CAMK2D: variants seen among roughly 807,000 people sequenced by gnomAD.
The protein encoded by CAMK2D is calcium/calmodulin dependent protein kinase II delta.
A neutral mutation model predicts 84.0 loss-of-function variants in CAMK2D; 37 were observed. The ratio of observed to expected loss-of-function variants is 0.44; its 90% CI spans 0.34 to 0.58. The LOEUF is 0.58. Ranked by LOEUF, CAMK2D falls within the 20% of genes least tolerant of loss-of-function variation. CAMK2D has a pLI of 0.02. For synonymous variants in CAMK2D, 202 were observed against 212.5 expected (o/e 0.95, Z 0.43); for missense variants, 448 against 652.5 (o/e 0.69, Z 3.41).
chr4:113,597,716 G>A lies in CAMK2D; in HGVS notation c.275+11436C>T, dbSNP rs193260717. Among the ~76,000 whole-genome samples, 8 of 152,278 alleles carry A rather than the reference G, an allele frequency of 5.3e-5. No homozygotes were observed. In the East Asian group the frequency reaches 9.6e-4, roughly 18 times the overall value. ...TGCATTCACAACTCAGCTAACTGGC[G>A]CACAGGTCTAGCTTTCAGCATATCT... On this transcript the variant is annotated intron_variant, in intron 4 of 20. Coordinates refer to ENST00000511664, the MANE Select transcript of CAMK2D (RefSeq NM_001321571.2).
intron 16 of CAMK2D, among the ~76,000 whole-genome samples, chr4:113,466,137 T>A (rs2097460218): frequency 6.6e-6 from 1 of 151,666 alleles, no homozygotes; most frequent in Non-Finnish European, 1.5e-5. Context: ...ATGCCTATAA[T>A]CCCAGCTACT....
At chr4:113,588,860 A>C (rs1308652139) in intron 4 of CAMK2D, among the ~76,000 whole-genome samples, 1 of 147,070 alleles carries the variant, frequency 6.8e-6, no homozygotes, top group East Asian at 2.0e-4. Context: ...AAATTAATTC[A>C]TGGTAGTTTA....
chr4:113,573,849 C>T (rs879726498), intron 4 of CAMK2D, among the ~76,000 whole-genome samples: 37 of 152,254 alleles, frequency 2.4e-4, no homozygotes, highest in Non-Finnish European at 4.9e-4. Context: ...GACTCCCCCA[C>T]CTTTTGCCTG....
At chr4:113,505,408 A>ATAT (rs1554678848) in intron 13 of CAMK2D, among the ~76,000 whole-genome samples, 2 of 152,186 alleles carry the variant, frequency 1.3e-5, no homozygotes, top group Non-Finnish European at 2.9e-5. Flanking sequence ...AGTTATAAAT[A>ATAT]TATTTCTTTC....
At chr4:113,566,272 T>C (rs1473658824) in intron 4 of CAMK2D, among the ~76,000 whole-genome samples, 4 of 152,356 alleles carry the variant, frequency 2.6e-5, no homozygotes, top group East Asian at 1.9e-4. Context: ...TTCAATTCTT[T>C]GTACTTTTGC....
At chr4:113,496,188 G>C (rs552571373) in intron 16 of CAMK2D, among the ~76,000 whole-genome samples, 1 of 152,204 alleles carries the variant, frequency 6.6e-6, no homozygotes, top group Non-Finnish European at 1.5e-5. Context: ...GAGGAGTGCA[G>C]TTTGTACTGT....
chr4:113,487,921 C>T (rs965272295), intron 16 of CAMK2D, among the ~76,000 whole-genome samples: 1 of 151,858 alleles, frequency 6.6e-6, no homozygotes, highest in Non-Finnish European at 1.5e-5. Flanking sequence ...AGAAAAAGAG[C>T]TTAAAAGTCT....
At chr4:113,759,884 A>T (rs2099636782) in intron 1 of CAMK2D, among the ~76,000 whole-genome samples, 1 of 152,210 alleles carries the variant, frequency 6.6e-6, no homozygotes, top group African/African-American at 2.4e-5. Flanking sequence ...GTGGTTTAAC[A>T]AATCCTGGTA....
At chr4:113,549,473 T>C (rs1221819451) in intron 5 of CAMK2D, among the ~76,000 whole-genome samples, 2 of 152,234 alleles carry the variant, frequency 1.3e-5, no homozygotes, top group Admixed American at 1.3e-4. Context: ...GAAAAACTTT[T>C]GCTTCATACT....
intron 3 of CAMK2D, among the ~76,000 whole-genome samples, chr4:113,628,344 T>C (rs1592165660): frequency 6.6e-6 from 1 of 152,002 alleles, no homozygotes; most frequent in African/African-American, 2.4e-5. Context: ...AAAAAAGAAA[T>C]AGAAAAGGAA....
intron 2 of CAMK2D, among the ~76,000 whole-genome samples, chr4:113,686,544 C>T (rs2099360459): frequency 6.6e-6 from 1 of 152,128 alleles, no homozygotes; most frequent in Non-Finnish European, 1.5e-5. Context: ...ATTTTTATTA[C>T]ACCTTTGATG....
intron 4 of CAMK2D, among the ~76,000 whole-genome samples, chr4:113,577,003 C>T (rs1404523713): frequency 1.3e-5 from 2 of 152,180 alleles, no homozygotes; most frequent in East Asian, 1.9e-4. Flanking sequence ...CATAGCCAAT[C>T]GTTTTACCAC....
At chr4:113,512,513 A>G (rs959863626) in intron 12 of CAMK2D, among the ~76,000 whole-genome samples, 1 of 152,198 alleles carries the variant, frequency 6.6e-6, no homozygotes, top group Non-Finnish European at 1.5e-5. Flanking sequence ...TACACCAAGA[A>G]AATACTATAC....
rs1479579599 is a variant in CAMK2D, at chr4:113,708,170, A to C, written c.161-46398T>G. On this transcript the variant is annotated intron_variant, in intron 2 of 20. Transcript: ENST00000511664. ...TTCACAGGTCTGAGCTTTTTTTTGAATAGCACCATATTTCTATATTATAGG... is the reference window on the plus strand; with the variant it reads ...TTCACAGGTCTGAGCTTTTTTTTGACTAGCACCATATTTCTATATTATAGG... Among the ~76,000 whole-genome samples, 11 of 152,194 alleles carry C rather than the reference A, an allele frequency of 7.2e-5. No individual in the cohort carries two copies. In the East Asian group the frequency reaches 2.1e-3, roughly 29 times the overall value.
Position 113,451,118 on chromosome 4 carries a change from T to C in CAMK2D, c.*3427A>G, listed in dbSNP as rs1026862374. ...TACCCTTAAATTATAATTTTTTACA[T>C]AAAAATTCAAAATTTGGGTGAAGAT... On this transcript the variant is annotated 3_prime_UTR_variant, in exon 21 of 21. Transcript: ENST00000511664. 7.2e-5 allele frequency: 11 copies of C among 152,190 alleles called. No individual in the cohort carries two copies. The highest frequency in any genetic ancestry group is 1.4e-4 in the African/African-American group (6 of 41,446). The allele number at this position is 152,190 out of a possible 1,614,324, so 9.4% of individuals were successfully genotyped here.
chr4:113,476,575 A>G (rs1034735166), intron 16 of CAMK2D, among the ~76,000 whole-genome samples: 3 of 152,150 alleles, frequency 2.0e-5, no homozygotes, highest in African/African-American at 7.2e-5. Flanking sequence ...TTCAGGACTG[A>G]AACTACCTTC....
chr4:113,699,309 A>G (rs1375859014), intron 2 of CAMK2D, among the ~76,000 whole-genome samples: 1 of 151,180 alleles, frequency 6.6e-6, no homozygotes, highest in African/African-American at 2.5e-5. Flanking sequence ...GATACCACCC[A>G]CATACCTGAA....
At chr4:113,714,728 T>C (rs2099508282) in intron 2 of CAMK2D, among the ~76,000 whole-genome samples, 1 of 152,144 alleles carries the variant, frequency 6.6e-6, no homozygotes, top group South Asian at 2.1e-4. Flanking sequence ...TTCCACATAG[T>C]ATGTAAGCAT....
At chr4:113,473,465 C>T (rs542544602) in intron 16 of CAMK2D, among the ~76,000 whole-genome samples, 1 of 152,134 alleles carries the variant, frequency 6.6e-6, no homozygotes, top group South Asian at 2.1e-4. Context: ...TAAAATCAAA[C>T]TTATCACAGA....
Sources: allele counts gnomAD v4.1 joint callset (sites outside exome capture counted in the v4.1 genomes callset), GRCh38; gene constraint gnomAD v4.1.1; transcripts MANE v1.5; gene names NCBI Gene and HGNC (gene_info 2026-07-23, HGNC 2026-07-21).